Variants in LOC128462377 observed in about 807,000 individuals in gnomAD.
chr16:89,357,571 G>C, the LOC128462377 span, among the ~76,000 whole-genome samples: 7 of 152,272 alleles, frequency 4.6e-5, no homozygotes, highest in Middle Eastern at 3.4e-3. Flanking sequence ...GTTGTACTTC[G>C]ACGTTCACAG....
chr16:89,352,579 G>A, the LOC128462377 span, among the ~76,000 whole-genome samples: 6 of 152,226 alleles, frequency 3.9e-5, no homozygotes, highest in East Asian at 1.9e-4. Flanking sequence ...ACTTCCTCTC[G>A]CCCTGGCCCA....
At chr16:89,384,890 T>TTTTTTTTTTTTTTC in the LOC128462377 span, among the ~76,000 whole-genome samples, 1 of 121,222 alleles carries the variant, frequency 8.2e-6, no homozygotes, top group African/African-American at 3.1e-5. Flanking sequence ...TTTTTTTTTT[T>TTTTTTTTTTTTTTC]TTTTTTTTTT....
chr16:89,362,502 G>C, the LOC128462377 span, among the ~76,000 whole-genome samples: 9 of 152,238 alleles, frequency 5.9e-5, no homozygotes. Context: ...CTGAACCCAT[G>C]TGTCCAGCAC....
chr16:89,385,156 G>A, the LOC128462377 span, among the ~76,000 whole-genome samples: 262 of 151,628 alleles, frequency 1.7e-3, no homozygotes, highest in Middle Eastern at 0.01. Context: ...GATTACAGGC[G>A]TGAGCCACTG....
the LOC128462377 span, among the ~76,000 whole-genome samples, chr16:89,332,005 A>C: frequency 6.6e-6 from 1 of 152,106 alleles, no homozygotes; most frequent in Non-Finnish European, 1.5e-5. Context: ...TTAAAAACTC[A>C]GTAGCATGCA....
the LOC128462377 span, among the ~76,000 whole-genome samples, chr16:89,362,732 C>A: frequency 3.3e-5 from 5 of 152,170 alleles, no homozygotes; most frequent in African/African-American, 1.2e-4. Context: ...AAGTATCTGC[C>A]CTGGCATGCT....
chr16:89,360,227 A>G, the LOC128462377 span, among the ~76,000 whole-genome samples: 2 of 152,172 alleles, frequency 1.3e-5, no homozygotes, highest in Non-Finnish European at 2.9e-5. Flanking sequence ...TTCCCATAAA[A>G]GACATGATCT....
At chr16:89,340,510 G>A in the LOC128462377 span, among the ~76,000 whole-genome samples, 30 of 152,274 alleles carry the variant, frequency 2.0e-4, no homozygotes, top group Admixed American at 3.3e-4. Flanking sequence ...CCTGACTTCA[G>A]GCGATCCACC....
the LOC128462377 span, among the ~76,000 whole-genome samples, chr16:89,367,146 G>A: frequency 2.0e-5 from 3 of 152,058 alleles, no homozygotes; most frequent in South Asian, 2.1e-4. Flanking sequence ...CGCACCCATC[G>A]GTGAGGAAGA....
the LOC128462377 span, among the ~76,000 whole-genome samples, chr16:89,349,134 T>TAAAAAAAAAAAAAAA: frequency 4.1e-3 from 68 of 16,572 alleles, 2 homozygotes; most frequent in African/African-American, 4.5e-3. Flanking sequence ...TCTCAAAAAG[T>TAAAAAAAAAAAAAAA]AAAAAAAAAA....
At chr16:89,408,070 C>CA in the LOC128462377 span, among the ~76,000 whole-genome samples, 1 of 152,136 alleles carries the variant, frequency 6.6e-6, no homozygotes, top group Non-Finnish European at 1.5e-5. Flanking sequence ...GTCCCAGACT[C>CA]AAACAGGAAG....
the LOC128462377 span, among the ~76,000 whole-genome samples, chr16:89,414,121 C>T: frequency 3.3e-5 from 5 of 152,344 alleles, no homozygotes; most frequent in South Asian, 1.0e-3. Flanking sequence ...GGCGCACGAT[C>T]GCACCTGCCT....
chr16:89,396,620 C>CACA, the LOC128462377 span, among the ~76,000 whole-genome samples: 1 of 152,118 alleles, frequency 6.6e-6, no homozygotes, highest in Non-Finnish European at 1.5e-5. Flanking sequence ...CTGCTGTCTT[C>CACA]TATGAAGCCA....
At chr16:89,381,331 CAAAAAAAAA>C in the LOC128462377 span, among the ~76,000 whole-genome samples, 14 of 76,366 alleles carry the variant, frequency 1.8e-4, no homozygotes, top group African/African-American at 6.9e-4. Context: ...GACTCTGCTG[CAAAAAAAAA>C]AAAAAAAAAA....
At chr16:89,374,617 G>T in the LOC128462377 span, among the ~76,000 whole-genome samples, 1 of 152,222 alleles carries the variant, frequency 6.6e-6, no homozygotes, top group South Asian at 2.1e-4. Context: ...GAGAGCTGTG[G>T]GAACAGCTGC....
chr16:89,363,168 G>A, the LOC128462377 span, among the ~76,000 whole-genome samples: 1 of 151,978 alleles, frequency 6.6e-6, no homozygotes, highest in African/African-American at 2.4e-5. Flanking sequence ...GCCTATCCCT[G>A]TTAAAAAAAA....
chr16:89,317,054 C>T, the LOC128462377 span: 1 of 1,599,044 alleles, frequency 6.3e-7, no homozygotes, highest in South Asian at 1.1e-5. Flanking sequence ...ATTTACACGG[C>T]CGGCGCTTCA....
the LOC128462377 span, among the ~76,000 whole-genome samples, chr16:89,347,683 G>C: frequency 0.013 from 1,926 of 151,560 alleles, 13 homozygotes; most frequent in Middle Eastern, 0.031. Flanking sequence ...CTCCTTATCG[G>C]TTTTTCCTAA....
the LOC128462377 span, among the ~76,000 whole-genome samples, chr16:89,318,262 G>C: frequency 1.3e-5 from 2 of 152,138 alleles, no homozygotes; most frequent in Non-Finnish European, 2.9e-5. Flanking sequence ...CCCTGCCTGT[G>C]GGCCTTCTAG....
Sources: gnomAD v4.1 joint callset for allele counts (sites outside exome capture counted in the v4.1 genomes callset) on GRCh38, gnomAD v4.1.1 for gene constraint, MANE v1.5 for transcripts.